DKK3: variants seen among roughly 807,000 people sequenced by gnomAD.
DKK3 encodes dickkopf-related protein 3.
DKK3 carries 22 observed loss-of-function variants against 33.2 expected under a neutral mutation model. The ratio of observed to expected loss-of-function variants is 0.66; its 90% confidence interval spans 0.47 to 0.95. DKK3 has a LOEUF of 0.95. Among genes scored for constraint, DKK3 ranks in the 40% least tolerant of loss-of-function variants. The pLI is 0.00. For synonymous variants in DKK3, 194 were observed against 188.8 expected (o/e 1.03, Z -0.23); for missense variants, 398 against 458.4 (o/e 0.87, Z 1.20).
At chr11:11,988,730 A>G (rs185982792) in intron 3 of DKK3, among the ~76,000 whole-genome samples, 3 of 152,210 alleles carry the variant, frequency 2.0e-5, no homozygotes, top group Admixed American at 1.3e-4. Context: ...AGTGGGTGTT[A>G]ATTCCTGAAT....
chr11:11,983,014 C>A (rs564727258), intron 3 of DKK3, among the ~76,000 whole-genome samples: 2 of 152,164 alleles, frequency 1.3e-5, no homozygotes, highest in Non-Finnish European at 2.9e-5. Flanking sequence ...AGGGTGGAAG[C>A]GCATGCTTCT....
At chr11:11,994,317 A>G (rs1319202417) in intron 3 of DKK3, among the ~76,000 whole-genome samples, 1 of 152,030 alleles carries the variant, frequency 6.6e-6, no homozygotes, top group African/African-American at 2.4e-5. Context: ...GGGGATTATT[A>G]GCCCCATTTG....
At chr11:11,969,104 A>G (rs1286065089) in intron 3 of DKK3, among the ~76,000 whole-genome samples, 2 of 152,228 alleles carry the variant, frequency 1.3e-5, no homozygotes, top group Admixed American at 1.3e-4. Flanking sequence ...CATGGCTGCC[A>G]GCTCTGCCTG....
At chr11:11,971,212 TAAC>T (rs1158003148) in intron 3 of DKK3, among the ~76,000 whole-genome samples, 1 of 152,046 alleles carries the variant, frequency 6.6e-6, no homozygotes, top group Admixed American at 6.6e-5. Context: ...AATCCAGAAA[TAAC>T]AAAAATGTCC....
chr11:11,979,428 C>CGGGT (rs1163129629), intron 3 of DKK3, among the ~76,000 whole-genome samples: 1 of 152,206 alleles, frequency 6.6e-6, no homozygotes, highest in East Asian at 1.9e-4. Context: ...CGGTCACAGG[C>CGGGT]GGGTAGCCAA....
At chr11:12,002,195 A>G in intron 2 of DKK3, 105 bp downstream of exon 2, 1 of 1,198,738 alleles carries the variant, frequency 8.3e-7, no homozygotes, top group South Asian at 2.0e-5. Context: ...TCTCAATTGT[A>G]GTTTGGGCTT....
chr11:11,988,294 G>C (rs1848112637), intron 3 of DKK3, among the ~76,000 whole-genome samples: 1 of 152,194 alleles, frequency 6.6e-6, no homozygotes, highest in African/African-American at 2.4e-5. Context: ...ATAGTCTGCT[G>C]GGGATGTGAC....
intron 3 of DKK3, among the ~76,000 whole-genome samples, chr11:11,991,603 CTCTG>C (rs1038582540): frequency 6.6e-6 from 1 of 152,112 alleles, no homozygotes; most frequent in African/African-American, 2.4e-5. Context: ...CTCTCTCTCT[CTCTG>C]TCTCTCTCCT....
chr11:12,008,311 G>A lies in DKK3; in HGVS notation c.213+59C>T. The A allele has an allele frequency of 1.9e-6, 3 of 1,541,102 alleles. No homozygotes were observed. Among genetic ancestry groups the A allele is most frequent in the South Asian group, 1.2e-5 (1 of 82,656 alleles). On this transcript the variant is annotated intron_variant, in intron 1 of 6. Coordinates refer to ENST00000683431, the MANE Select transcript of DKK3 (RefSeq NM_001018057.2). This position sits in a 1 kb window ranked among gnomAD's most constrained non-coding sequence, Gnocchi z 4.6. Reference sequence around the variant, plus strand: ...GCCAGCGCTCTTCCATGCCTTCCCAGACTTCGCTGCCCCCAGTCTGGCGCT... The same window carrying A: ...GCCAGCGCTCTTCCATGCCTTCCCAAACTTCGCTGCCCCCAGTCTGGCGCT...
At chr11:11,982,012 G>A (rs1847964721) in intron 3 of DKK3, among the ~76,000 whole-genome samples, 1 of 152,140 alleles carries the variant, frequency 6.6e-6, no homozygotes, top group African/African-American at 2.4e-5. Flanking sequence ...CCATGGTCCT[G>A]GTTGGTCTCT....
intron 3 of DKK3, among the ~76,000 whole-genome samples, chr11:11,992,948 A>G (rs1345791440): frequency 6.6e-6 from 1 of 152,218 alleles, no homozygotes; most frequent in African/African-American, 2.4e-5. Context: ...TTTGCCTATC[A>G]TATGATCACG....
At chr11:11,998,815 A>T in intron 2 of DKK3, 36 bp from the exon 3 acceptor site, 1 of 1,566,174 alleles carries the variant, frequency 6.4e-7, no homozygotes, top group Non-Finnish European at 8.8e-7. Context: ...GTAAAATAGA[A>T]GGAATTCTGG....
chr11:11,997,162 G>C (rs1381170316), intron 3 of DKK3, among the ~76,000 whole-genome samples: 1 of 152,220 alleles, frequency 6.6e-6, no homozygotes, highest in Non-Finnish European at 1.5e-5. Context: ...GTGCAGATGT[G>C]CTCACAGGCA....
chr11:11,998,249 G>A (rs980829081), intron 3 of DKK3: 3 of 213,404 alleles, frequency 1.4e-5, no homozygotes, highest in South Asian at 8.8e-5. Context: ...TGAAATGGAC[G>A]GACAGCCTTT....
chr11:12,001,058 T>C (rs1207490193), intron 2 of DKK3, among the ~76,000 whole-genome samples: 1 of 152,224 alleles, frequency 6.6e-6, no homozygotes, highest in Non-Finnish European at 1.5e-5. Flanking sequence ...TTTTCAAAAA[T>C]CACACTAGTG....
At chr11:11,964,793 C>A in intron 6 of DKK3, 107 bp from the exon 7 acceptor site, 1 of 1,522,034 alleles carries the variant, frequency 6.6e-7, no homozygotes, top group South Asian at 1.2e-5. Flanking sequence ...TTCATGCCCC[C>A]TCCTCTCCTG....
At chr11:11,988,744 C>A (rs1848124652) in intron 3 of DKK3, among the ~76,000 whole-genome samples, 1 of 152,168 alleles carries the variant, frequency 6.6e-6, no homozygotes, top group Non-Finnish European at 1.5e-5. Context: ...CCTGAATGGT[C>A]AAGGAAATCA....
upstream of DKK3, chr11:12,008,901 G>T (rs1350346397): frequency 1.8e-6 from 2 of 1,089,084 alleles, no homozygotes; most frequent in East Asian, 1.2e-4. The surrounding 1 kb of genome is among the most constrained non-coding windows in gnomAD (Gnocchi z 4.6). Context: ...CAGAGCAACC[G>T]AACCCGGATC....
Position 11,964,206 on chromosome 11 carries a change from C to T in DKK3, c.*258G>A, listed in dbSNP as rs1391120341. The T allele has an allele frequency of 2.2e-5, 11 of 501,576 alleles. No homozygotes were observed. The highest frequency in any genetic ancestry group is 3.5e-5 in the Non-Finnish European group (10 of 282,168). 31.1% of individuals were successfully genotyped at this position (501,576 alleles called of 1,614,324 possible). ...CTGCCAACTGGTAGAGGCAAAGCAG[C>T]CAATAATCTGGACAGGGGTGGCAAA... On this transcript the variant is annotated 3_prime_UTR_variant, in exon 7 of 7. Transcript: ENST00000683431.
Sources: gnomAD v4.1 joint callset for allele counts (sites outside exome capture counted in the v4.1 genomes callset) on GRCh38, gnomAD v4.1.1 for gene constraint, Gnocchi (gnomAD v3.1) non-coding constraint, MANE v1.5 for transcripts, NCBI Gene and HGNC (gene_info 2026-07-23, HGNC 2026-07-21) for gene names.